ANK3: variants seen among roughly 807,000 people sequenced by gnomAD.
The protein encoded by ANK3 is ankyrin 3, also known as ankyrin-3.
ANK3 carries 57 observed loss-of-function variants against 370.9 expected under a neutral mutation model. The ratio of observed to expected loss-of-function variants is 0.15; its 90% CI spans 0.12 to 0.19. The LOEUF is 0.19. Ranked by LOEUF, ANK3 falls within the 10% of genes least tolerant of loss-of-function variation. The pLI, the probability that ANK3 is intolerant of heterozygous loss-of-function variation, is 1.00. For missense variants in ANK3, 4,439 were observed against 5,302.1 expected (o/e 0.84, Z 5.06); for synonymous variants, 1,929 against 1,946.3 (o/e 0.99, Z 0.23).
In ANK3 at chr10:60,389,785, C is replaced by T. The variant is rs16914968; in HGVS notation, c.-247G>A. 0.14 allele frequency: 183,925 copies of T among 1,312,842 alleles called. 13,302 individuals are homozygous for T. Among genetic ancestry groups the T allele is most frequent in the South Asian group, 0.17 (8,950 of 52,938 alleles). The allele number at this position is 1,312,842 out of a possible 1,614,324, so 81.3% of individuals were successfully genotyped here. ...AACCTTTACAGGAGAGTGCAGCCATCGTAATGCATTTACCGTAGTGAAGAA... is the reference window on the plus strand; with the variant it reads ...AACCTTTACAGGAGAGTGCAGCCATTGTAATGCATTTACCGTAGTGAAGAA... On this transcript the variant is annotated 5_prime_UTR_variant, in exon 1 of 44. Coordinates refer to ENST00000280772, the MANE Select transcript of ANK3 (RefSeq NM_020987.5).
At chr10:60,426,993 C>A (rs78664935) in intron 2 of ANK3, among the ~76,000 whole-genome samples, 3 of 152,136 alleles carry the variant, frequency 2.0e-5, no homozygotes, top group African/African-American at 7.2e-5. Context: ...AGGACCCAAT[C>A]TGATGCTTCG....
rs901115793 is a variant in ANK3 at position 60,140,646 on chromosome 10, T to C, written c.2615-1559A>G. ...CACTTAATTGAGGTTAAGATCCTTT[T>C]GACCACTTCGCAGACATCCTTTTAA... On this transcript the variant is annotated intron_variant, in intron 23 of 43. Transcript: ENST00000280772. 6.6e-6 allele frequency: 9 copies of C among 1,372,134 alleles called. No homozygotes were observed. The African/African-American group carries it at 1.3e-4, about 20-fold the overall frequency. The allele number at this position is 1,372,134 out of a possible 1,614,324, so 85.0% of individuals were successfully genotyped here.
At position 60,071,323 on chromosome 10, in the gene ANK3, A is replaced by G. The variant is rs1188134422; in HGVS notation, c.9558T>C (p.Pro3186=). Residue 3186 remains proline (P), a synonymous_variant, in exon 37 of 44, where the codon CCT becomes CCC. Transcript: ENST00000280772. ...EVSYEFTSKT[P]DSLIAYIPGK... ...CTGGTATATAAGCTATGAGCGAGTC[A>G]GGTGTCTTAGATGTAAATTCATAAC... 1 of 1,613,986 alleles carries G rather than the reference A, an allele frequency of 6.2e-7. No homozygotes were observed. Among genetic ancestry groups the G allele is most frequent in the Non-Finnish European group, 8.5e-7 (1 of 1,180,016 alleles).
chr10:60,293,476 G>C (rs2041890726), intron 1 of ANK3, among the ~76,000 whole-genome samples: 2 of 152,124 alleles, frequency 1.3e-5, no homozygotes, highest in South Asian at 4.1e-4. Flanking sequence ...GTAAGCAGTG[G>C]TCACCGTATC....
chr10:60,063,100 A>C lies in ANK3; in HGVS notation c.12595+11T>G, dbSNP rs375362785. ...AATGATTAAATAAATATGAACACTA[A>C]ATTCGATTACCATCAACAGGGTCAT... On this transcript the variant is annotated intron_variant, in intron 40 of 43. Transcript: ENST00000280772. 20 of 1,605,744 alleles carry C rather than the reference A, an allele frequency of 1.2e-5. No individual in the cohort carries two copies. The African/African-American group carries it at 2.5e-4, about 20-fold the overall frequency.
chr10:60,450,123 C>T (rs1474797434), intron 2 of ANK3, among the ~76,000 whole-genome samples: 1 of 151,632 alleles, frequency 6.6e-6, no homozygotes, highest in East Asian at 1.9e-4. Context: ...ATAGTGAGAC[C>T]CCATATCTAC....
At chr10:60,620,429 G>C (rs989441961) in intron 1 of ANK3, among the ~76,000 whole-genome samples, 1 of 152,042 alleles carries the variant, frequency 6.6e-6, no homozygotes, top group Non-Finnish European at 1.5e-5. Context: ...ACAACCCTAT[G>C]AGGCAGGTAC....
chr10:60,640,127 A>G (rs999257530), intron 1 of ANK3, among the ~76,000 whole-genome samples: 6 of 152,112 alleles, frequency 3.9e-5, no homozygotes, highest in African/African-American at 1.4e-4. Context: ...CAGGCATTTT[A>G]TAATTGTGGC....
Position 60,323,600 on chromosome 10 carries a change from T to C in ANK3, c.115-43961A>G, listed in dbSNP as rs1343054431. On this transcript the variant is annotated intron_variant, in intron 1 of 43. Transcript: ENST00000280772. The stretch of plus-strand genomic sequence containing the variant: ...GTCTCCAATGGAAATATAAATTTGG[T>C]AGTTATCAATATATTGCCAGGTTTT... Among the ~76,000 whole-genome samples the C allele has an allele frequency of 5.3e-5, 8 of 152,058 alleles. No homozygotes were observed. The East Asian group carries it at 1.5e-3, about 29-fold the overall frequency.
chr10:60,205,913 C>G, intron 10 of ANK3, 23 bp from the exon 11 acceptor site: 1 of 1,437,020 alleles, frequency 7.0e-7, no homozygotes, highest in Non-Finnish European at 9.8e-7. Context: ...AATACATATA[C>G]CTGCTTGACT....
upstream of ANK3, among the ~76,000 whole-genome samples, chr10:60,394,868 G>A (rs1439436769): frequency 6.6e-6 from 1 of 152,056 alleles, no homozygotes; most frequent in Non-Finnish European, 1.5e-5. Flanking sequence ...AGAATACTGT[G>A]ATTTGATGTG....
At chr10:60,314,469 G>A (rs2046999884) in intron 1 of ANK3, among the ~76,000 whole-genome samples, 2 of 152,136 alleles carry the variant, frequency 1.3e-5, no homozygotes, top group South Asian at 4.1e-4. Context: ...ATTATGTTAT[G>A]TAAATAGAGC....
At chr10:60,689,618 G>A (rs182395478) in intron 1 of ANK3, among the ~76,000 whole-genome samples, 1 of 152,022 alleles carries the variant, frequency 6.6e-6, no homozygotes, top group Non-Finnish European at 1.5e-5. Context: ...TGGGCATGGT[G>A]TCGAGTGCCT....
chr10:60,509,541 C>T (rs2076027386), intron 2 of ANK3, among the ~76,000 whole-genome samples: 1 of 152,076 alleles, frequency 6.6e-6, no homozygotes, highest in Non-Finnish European at 1.5e-5. Flanking sequence ...TTATTGTCAA[C>T]TCAGATTTCA....
intron 4 of ANK3, among the ~76,000 whole-genome samples, chr10:60,275,688 T>C (rs973931145): frequency 6.6e-6 from 1 of 152,120 alleles, no homozygotes; most frequent in Admixed American, 6.6e-5. Flanking sequence ...AATATCAGAG[T>C]ACCCAGAAAG....
At chr10:60,059,472 T>A in intron 40 of ANK3, 42 bp from the exon 41 acceptor site, 1 of 1,526,026 alleles carries the variant, frequency 6.6e-7, no homozygotes, top group Non-Finnish European at 9.1e-7. Context: ...CTGAACACGC[T>A]TAAGAATAGC....
Position 60,209,102 on chromosome 10 carries a change from G to T in ANK3, c.997-869C>A, listed in dbSNP as rs188764758. ...TCCTAATGAAGGCAAAACAAGCTATGAAGATGTCAGTCCTTTCTTTTAACT... is the reference window on the plus strand; with the variant it reads ...TCCTAATGAAGGCAAAACAAGCTATTAAGATGTCAGTCCTTTCTTTTAACT... On this transcript the variant is annotated intron_variant, in intron 9 of 43. Coordinates refer to ENST00000280772, the MANE Select transcript of ANK3 (RefSeq NM_020987.5). Among the ~76,000 whole-genome samples the T allele has an allele frequency of 6.5e-4, 99 of 152,310 alleles. No individual in the cohort carries two copies. The South Asian group carries it at 9.7e-3, about 15-fold the overall frequency.
At chr10:60,064,656 G>A (rs575115495) in intron 38 of ANK3, among the ~76,000 whole-genome samples, 5 of 119,138 alleles carry the variant, frequency 4.2e-5, no homozygotes, top group South Asian at 3.1e-4. Context: ...GCAAAACCCC[G>A]GTCTCCATAC....
chr10:60,146,027 CA>C (rs1180698734), intron 23 of ANK3: 4 of 1,451,282 alleles, frequency 2.8e-6, no homozygotes, highest in East Asian at 4.9e-5. Flanking sequence ...ATTACCTATT[CA>C]AAAAATGAAT....
Sources: allele counts gnomAD v4.1 joint callset (sites outside exome capture counted in the v4.1 genomes callset), GRCh38; gene constraint gnomAD v4.1.1; transcripts MANE v1.5; gene names NCBI Gene and HGNC (gene_info 2026-07-23, HGNC 2026-07-21).